Variants in PTK2 observed in about 807,000 individuals in gnomAD.
PTK2 encodes the protein protein tyrosine kinase 2, also known as focal adhesion kinase 1.
A neutral mutation model predicts 150.1 loss-of-function variants in PTK2; 45 were observed. The ratio of observed to expected loss-of-function variants is 0.30; its 90% CI spans 0.24 to 0.38. The LOEUF is 0.38. Among genes scored for constraint, PTK2 ranks in the 10% least tolerant of loss-of-function variants. The pLI is 1.00. For missense variants in PTK2, 919 were observed against 1,307.3 expected (o/e 0.70, Z 4.58); for synonymous variants, 432 against 449.2 (o/e 0.96, Z 0.48).
chr8:140,720,030 G>A lies in PTK2; in HGVS notation c.2031-2321C>T, dbSNP rs913267971. 4.6e-5 allele frequency among the ~76,000 whole-genome samples: 7 copies of A among 152,232 alleles called. No individual in the cohort carries two copies. In the East Asian group the frequency reaches 7.7e-4, roughly 17 times the overall value. ...GTACGTTCTAGCTGCAGAACTAAGC[G>A]GGAGAGGACACTGTCCCAGGCACTG... On this transcript the variant is annotated intron_variant, in intron 22 of 31. Transcript: ENST00000522684.
Position 140,818,860 on chromosome 8 carries a change from T to A in PTK2, c.789+20A>T. ...AGTAAAATCAAACTAGCCCACTATTTCCCATATTCCCATACTTACACCAAG... is the reference window on the plus strand; with the variant it reads ...AGTAAAATCAAACTAGCCCACTATTACCCATATTCCCATACTTACACCAAG... On this transcript the variant is annotated intron_variant, in intron 9 of 31. Coordinates refer to ENST00000522684, the Ensembl canonical transcript of PTK2. The A allele has an allele frequency of 6.2e-7, 1 of 1,605,270 alleles. No homozygotes were observed.
At chr8:140,746,397 T>C (rs2100058788) in intron 18 of PTK2, 1 of 171,764 alleles carries the variant, frequency 5.8e-6, no homozygotes, top group Admixed American at 6.3e-5. Flanking sequence ...CTTACCTAAA[T>C]TTAGCATTAA....
At chr8:140,912,286 T>C (rs865825261) in intron 2 of PTK2, among the ~76,000 whole-genome samples, 1 of 150,136 alleles carries the variant, frequency 6.7e-6, no homozygotes, top group African/African-American at 2.4e-5. Context: ...ATCAGGATAA[T>C]ATGTCATGAT....
At chr8:140,756,179 C>T (rs1027558215) in intron 16 of PTK2, among the ~76,000 whole-genome samples, 12 of 151,798 alleles carry the variant, frequency 7.9e-5, no homozygotes, top group African/African-American at 2.2e-4. Context: ...AAAAACTAGC[C>T]GGGTGTGATG....
At chr8:140,846,609 G>A in exon 6 of PTK2, 2 of 1,607,902 alleles carry the variant, frequency 1.2e-6, no homozygotes, top group Non-Finnish European at 1.7e-6. Context: ...CGTATTTCTA[G>A]ACAACCCAAC....
intron 1 of PTK2, among the ~76,000 whole-genome samples, chr8:140,972,152 C>G (rs1004596789): frequency 6.6e-6 from 1 of 151,734 alleles, no homozygotes; most frequent in Non-Finnish European, 1.5e-5. Flanking sequence ...TAAGTTCAAA[C>G]TCTAATTTAG....
At chr8:140,945,247 A>G (rs1045255800) in intron 1 of PTK2, among the ~76,000 whole-genome samples, 2 of 152,210 alleles carry the variant, frequency 1.3e-5, no homozygotes, top group Non-Finnish European at 2.9e-5. Context: ...CTTGAATTCA[A>G]GTGTTCCTGA....
chr8:140,813,480 T>C (rs961126240), intron 10 of PTK2, among the ~76,000 whole-genome samples: 2 of 151,662 alleles, frequency 1.3e-5, no homozygotes, highest in Non-Finnish European at 2.9e-5. Flanking sequence ...TTAAAAATCA[T>C]GACTGAGAAA....
chr8:140,912,265 AAAAC>A (rs1213515863), intron 2 of PTK2, among the ~76,000 whole-genome samples: 3 of 151,968 alleles, frequency 2.0e-5, no homozygotes, highest in Non-Finnish European at 4.4e-5. Context: ...AAAAAACAAA[AAAAC>A]AAAAAAATCA....
At chr8:140,858,445 A>T (rs1364535183) in intron 5 of PTK2, among the ~76,000 whole-genome samples, 1 of 151,932 alleles carries the variant, frequency 6.6e-6, no homozygotes, top group African/African-American at 2.4e-5. Context: ...AAAGAAAGAA[A>T]GAAAGAAAAA....
At chr8:140,774,239 T>C (rs2100077148) in intron 14 of PTK2, among the ~76,000 whole-genome samples, 1 of 152,196 alleles carries the variant, frequency 6.6e-6, no homozygotes, top group Non-Finnish European at 1.5e-5. Context: ...GAACTTTGTA[T>C]GTGTGGCAAT....
At chr8:140,878,258 A>G (rs1398711331) in intron 4 of PTK2, among the ~76,000 whole-genome samples, 2 of 152,180 alleles carry the variant, frequency 1.3e-5, no homozygotes, top group African/African-American at 4.8e-5. Context: ...AAATACAGCT[A>G]TATTTCTTTG....
intron 23 of PTK2, among the ~76,000 whole-genome samples, chr8:140,713,846 T>C (rs1384573045): frequency 6.6e-6 from 1 of 152,234 alleles, no homozygotes; most frequent in Non-Finnish European, 1.5e-5. Context: ...ATAATGCTTT[T>C]ACTATTAACT....
At chr8:140,826,065 T>C (rs2100111592) in intron 8 of PTK2, among the ~76,000 whole-genome samples, 2 of 152,172 alleles carry the variant, frequency 1.3e-5, no homozygotes. Flanking sequence ...ATGTTAATTA[T>C]AAATAATCTT....
intron 27 of PTK2, among the ~76,000 whole-genome samples, chr8:140,676,489 C>G (rs2100013793): frequency 6.6e-6 from 1 of 150,992 alleles, no homozygotes; most frequent in African/African-American, 2.4e-5. Context: ...GGTGAAACAA[C>G]TTACAAACAG....
At chr8:140,722,765 AAGTTTT>A (rs903045553) in intron 22 of PTK2, among the ~76,000 whole-genome samples, 1 of 152,194 alleles carries the variant, frequency 6.6e-6, no homozygotes, top group African/African-American at 2.4e-5. Flanking sequence ...GAGTTTGTAA[AAGTTTT>A]AGTTTTAAAC....
At chr8:140,791,315 C>T (rs1293350087) in intron 13 of PTK2, among the ~76,000 whole-genome samples, 1 of 152,130 alleles carries the variant, frequency 6.6e-6, no homozygotes, top group African/African-American at 2.4e-5. Flanking sequence ...GCCTCAGAAC[C>T]ACAGGAACAT....
intron 22 of PTK2, among the ~76,000 whole-genome samples, chr8:140,722,344 T>G (rs2100043372): frequency 6.6e-6 from 1 of 152,160 alleles, no homozygotes; most frequent in Non-Finnish European, 1.5e-5. Flanking sequence ...GCACGATCAT[T>G]CCTGGACTCA....
rs575695873 is a variant in PTK2, at chr8:140,916,531, T to C, written c.-33+9130A>G. 9.6e-4 allele frequency among the ~76,000 whole-genome samples: 146 copies of C among 152,358 alleles called. 2 individuals carry two copies. The highest frequency in any genetic ancestry group is 3.2e-3 in the African/African-American group (135 of 41,576). ...GCACCTTTTCAATGCAGTCTACACA[T>C]AGACATTCTATATAAGACTGTCATC... On this transcript the variant is annotated intron_variant, in intron 2 of 31. Coordinates refer to ENST00000522684, the Ensembl canonical transcript of PTK2.
Sources: allele counts gnomAD v4.1 joint callset (sites outside exome capture counted in the v4.1 genomes callset), GRCh38; gene constraint gnomAD v4.1.1; transcripts MANE v1.5; gene names NCBI Gene and HGNC (gene_info 2026-07-23, HGNC 2026-07-21).